The following MDM1 variants were observed in gnomAD, a reference collection of about 807,000 sequenced individuals.
MDM1 encodes the protein stabilizer of axonemal microtubules 6.
A neutral mutation model predicts 89.1 loss-of-function variants in MDM1; 61 were observed. The ratio of observed to expected loss-of-function variants is 0.68; its 90% confidence interval spans 0.56 to 0.85. The LOEUF (loss-of-function observed/expected upper bound fraction) is 0.85. MDM1 is among the 40% of genes least tolerant of loss of function. The pLI is 0.00. For synonymous variants in MDM1, 290 were observed against 294.1 expected (o/e 0.99, Z 0.14); for missense variants, 820 against 846.5 (o/e 0.97, Z 0.39).
chr12:68,303,859 C>G (rs563188459), intron 12 of MDM1, among the ~76,000 whole-genome samples: 1 of 152,308 alleles, frequency 6.6e-6, no homozygotes, highest in South Asian at 2.1e-4. Flanking sequence ...TATTTACCTT[C>G]TTTTTTAGTT....
chr12:68,303,423 TG>T (rs146709414), intron 12 of MDM1, among the ~76,000 whole-genome samples: 9 of 152,114 alleles, frequency 5.9e-5, no homozygotes, highest in African/African-American at 2.2e-4. Context: ...ACAATCTTTC[TG>T]GGGGGCCGGC....
chr12:68,311,470 A>C (rs190813854), intron 12 of MDM1, among the ~76,000 whole-genome samples: 128 of 152,312 alleles, frequency 8.4e-4, no homozygotes, highest in South Asian at 2.5e-3. Context: ...GAGGTCTTCC[A>C]AAAGCTGCCA....
chr12:68,316,692 T>C (rs1874549512), intron 7 of MDM1, 82 bp from the exon 8 acceptor site: 2 of 1,081,456 alleles, frequency 1.8e-6, no homozygotes, highest in African/African-American at 1.6e-5. Flanking sequence ...AAACACATTA[T>C]TCTCCCTTCT....
chr12:68,300,519 A>AG lies in MDM1; in HGVS notation c.2002+2100dup, dbSNP rs539312072. Among the ~76,000 whole-genome samples, 6 of 152,316 alleles carry AG rather than the reference A, an allele frequency of 3.9e-5. No homozygotes were observed. The South Asian group carries it at 1.2e-3, about 32-fold the overall frequency. ...CAAAAGCAAGCAGGAGTCTTATATC[A>AG]GGCAAAACAGACTTTAAAGCAACAA... is the stretch of plus-strand genomic sequence containing the variant. On this transcript the variant is annotated intron_variant, in intron 13 of 14. Transcript: ENST00000682720.
chr12:68,331,862 T>C (rs1876875511), intron 1 of MDM1: 13 of 501,966 alleles, frequency 2.6e-5, no homozygotes, highest in South Asian at 2.3e-4. Context: ...CACTAAAGTT[T>C]TAAAGGTAAT....
chr12:68,314,363 G>A (rs752885845), intron 10 of MDM1, among the ~76,000 whole-genome samples: 20 of 152,118 alleles, frequency 1.3e-4, no homozygotes, highest in Admixed American at 9.8e-4. Flanking sequence ...ACTGGATAAT[G>A]GGGAAAATCA....
At position 68,296,996 on chromosome 12, in the gene MDM1, A is replaced by G. The variant is rs1565761897; in HGVS notation, c.2003-14T>C. The stretch of plus-strand genomic sequence containing the variant: ...TTGCTTTTCCCACTTAAAAAAAAAA[A>G]GGCAGAATAAATTATCCTTCAAAAG... On this transcript the variant is annotated splice_polypyrimidine_tract_variant and intron_variant, in intron 13 of 14. Transcript: ENST00000682720. The G allele has an allele frequency of 1.3e-6, 2 of 1,569,222 alleles. No individual in the cohort carries two copies. The highest frequency in any genetic ancestry group is 8.6e-7 in the Non-Finnish European group (1 of 1,156,122).
At chr12:68,296,254 C>A (rs928394952) in intron 14 of MDM1, among the ~76,000 whole-genome samples, 2 of 152,186 alleles carry the variant, frequency 1.3e-5, no homozygotes, top group African/African-American at 2.4e-5. Context: ...AATCCCAGCA[C>A]TTTGGGAGGC....
intron 4 of MDM1, chr12:68,324,966 C>A: frequency 1.0e-6 from 1 of 959,144 alleles, no homozygotes; most frequent in Non-Finnish European, 1.2e-6. Flanking sequence ...ATGCCTATTA[C>A]TATTTGTCTG....
intron 7 of MDM1, among the ~76,000 whole-genome samples, chr12:68,317,321 C>A (rs1874630389): frequency 6.6e-6 from 1 of 151,864 alleles, no homozygotes; most frequent in Non-Finnish European, 1.5e-5. Flanking sequence ...AAATTCTGTT[C>A]AGTATCTTTA....
chr12:68,316,332 T>C lies in MDM1; in HGVS notation c.1036-79A>G, dbSNP rs980765204. On this transcript the variant is annotated intron_variant, in intron 8 of 14. Transcript: ENST00000682720. ...AGCACCAAGTAGCATATCAAAGACA[T>C]TGCACAAATACAGCCAGGGACCAAA... The C allele has an allele frequency of 6.3e-6, 9 of 1,430,816 alleles. No individual in the cohort carries two copies. In the African/African-American group the frequency reaches 1.1e-4, roughly 18 times the overall value. The allele number at this position is 1,430,816 out of a possible 1,614,324, so 88.6% of individuals were successfully genotyped here.
chr12:68,326,538 A>G, intron 3 of MDM1, 119 bp downstream of exon 3: 3 of 1,604,500 alleles, frequency 1.9e-6, no homozygotes, highest in Non-Finnish European at 2.6e-6. Context: ...TCTTATAGAC[A>G]TTAGACAAGA....
At chr12:68,324,600 G>A (rs17105262) in intron 4 of MDM1, among the ~76,000 whole-genome samples, 1,904 of 152,106 alleles carry the variant, frequency 0.013, 45 homozygotes, top group African/African-American at 0.043. Context: ...CAGTTCTTAC[G>A]GCTATACAAA....
In MDM1 at chr12:68,321,434, G is replaced by A. The variant is rs376380653; in HGVS notation, c.918C>T (p.Ser306=). The A allele has an allele frequency of 6.4e-5, 104 of 1,613,212 alleles. 1 individual carries two copies. The highest frequency in any genetic ancestry group is 1.9e-4 in the South Asian group (17 of 91,026). ...GGCTCAGAAATTTTGCTCTATATTCGGAATTCACCTTCCTAATAGAAATGA... is the reference window on the plus strand; with the variant it reads ...GGCTCAGAAATTTTGCTCTATATTCAGAATTCACCTTCCTAATAGAAATGA... The part of the protein sequence containing the change: ...WKHQRLGKVN[S]EYRAKFLSPA... Residue 306 remains serine (S), a synonymous_variant, in exon 7 of 15, where the codon TCC becomes TCT. Coordinates refer to ENST00000682720, the MANE Select transcript of MDM1 (RefSeq NM_001354969.2).
intron 2 of MDM1, 34 bp from the exon 3 acceptor site, chr12:68,327,055 T>A: frequency 6.5e-7 from 1 of 1,533,114 alleles, no homozygotes; most frequent in Non-Finnish European, 8.7e-7. Flanking sequence ...TAGTAGCTAC[T>A]AAAGCAAAAA....
Position 68,325,829 on chromosome 12 carries a change from A to G in MDM1, c.499-254T>C, listed in dbSNP as rs1338460780. On this transcript the variant is annotated intron_variant, in intron 3 of 14. Coordinates refer to ENST00000682720, the MANE Select transcript of MDM1 (RefSeq NM_001354969.2). ...GACTATTAGGCATCCCAGGAAAAATATAATACTCTCAGTCCTTTCCTACTA... is the reference window on the plus strand; with the variant it reads ...GACTATTAGGCATCCCAGGAAAAATGTAATACTCTCAGTCCTTTCCTACTA... 20 of 1,109,556 alleles carry G rather than the reference A, an allele frequency of 1.8e-5. No homozygotes were observed. The East Asian group carries it at 2.1e-4, about 12-fold the overall frequency. 68.7% of individuals were successfully genotyped at this position (1,109,556 alleles called of 1,614,324 possible).
intron 13 of MDM1, among the ~76,000 whole-genome samples, chr12:68,297,737 G>A (rs1430882788): frequency 6.6e-6 from 1 of 152,108 alleles, no homozygotes; most frequent in Non-Finnish European, 1.5e-5. Flanking sequence ...GTGGGCAGGG[G>A]TAATGTATTC....
At position 68,302,712 on chromosome 12, in the gene MDM1, C is replaced by A. The variant is rs1287539789; in HGVS notation, c.1910G>T (p.Gly637Val). 7 of 1,613,738 alleles carry A rather than the reference C, an allele frequency of 4.3e-6. No homozygotes were observed. The Admixed American group carries it at 8.3e-5, about 19-fold the overall frequency. ...AACATGTGGTGGAGAAGGCAACTGT[C>A]CAGGGGGATTTGTTGGGTATTTTGG... The part of the protein sequence containing the change: ...KIPKYPTNPP[G>V]QLPSPPHVPS... The change falls in exon 13 of 15, where the codon GGA (glycine) becomes GTA (valine). Residue 637 changes from glycine to valine, a missense_variant. Physicochemically the swap from Gly to Val is moderately radical, Grantham distance 109. Coordinates refer to ENST00000682720, the MANE Select transcript of MDM1 (RefSeq NM_001354969.2).
chr12:68,300,564 G>C (rs1242704036), intron 13 of MDM1, among the ~76,000 whole-genome samples: 3 of 152,036 alleles, frequency 2.0e-5, no homozygotes, highest in South Asian at 2.1e-4. Flanking sequence ...AAAAGACAAA[G>C]GTCATCATAT....
Sources: allele counts gnomAD v4.1 joint callset (sites outside exome capture counted in the v4.1 genomes callset), GRCh38; gene constraint gnomAD v4.1.1; transcripts MANE v1.5; gene names NCBI Gene and HGNC (gene_info 2026-07-23, HGNC 2026-07-21).